KLHL6: variants seen among roughly 807,000 people sequenced by gnomAD.
KLHL6 encodes the protein kelch-like protein 6.
In KLHL6, 41 loss-of-function variants were observed where a neutral mutation model predicts 58.6. The observed-to-expected ratio is 0.70, with a 90% CI of 0.55 to 0.91. The LOEUF is 0.91. Among genes scored for constraint, KLHL6 ranks in the 40% least tolerant of loss-of-function variants. KLHL6 has a pLI of 0.00. For missense variants in KLHL6, 714 were observed against 805.6 expected, an observed-to-expected ratio of 0.89 and a Z score of 1.38; for synonymous variants, 338 against 322.7, an observed-to-expected ratio of 1.05 and a Z score of -0.51.
In KLHL6 at chr3:183,519,778, C is replaced by T. The variant is rs191382510; in HGVS notation, c.459+8067G>A. On this transcript the variant is annotated intron_variant, in intron 2 of 6. Transcript: ENST00000341319. ...GGGCATAGTGGTGCATGGCTATATT[C>T]CCAGCTACTTGAAAGGCCAAGGTAG... Among the ~76,000 whole-genome samples, 7 of 150,960 alleles carry T rather than the reference C, an allele frequency of 4.6e-5. No homozygotes were observed. In the East Asian group the frequency reaches 1.2e-3, roughly 25 times the overall value.
At chr3:183,536,199 G>A (rs190507771) in intron 1 of KLHL6, among the ~76,000 whole-genome samples, 171 of 152,284 alleles carry the variant, frequency 1.1e-3, no homozygotes, top group African/African-American at 3.7e-3. Context: ...GAACAGGGGG[G>A]CAAGACAAGG....
chr3:183,533,647 A>C (rs1004502985), intron 1 of KLHL6, among the ~76,000 whole-genome samples: 2 of 152,124 alleles, frequency 1.3e-5, no homozygotes, highest in African/African-American at 2.4e-5. Flanking sequence ...AAACATTCAA[A>C]AGTCAAAAGA....
chr3:183,509,757 G>GT (rs1438763361), intron 2 of KLHL6, among the ~76,000 whole-genome samples: 1 of 152,140 alleles, frequency 6.6e-6, no homozygotes, highest in East Asian at 1.9e-4. Context: ...ACCGTCCAGA[G>GT]TAAGTCACAT....
chr3:183,552,850 T>C (rs1712980876), intron 1 of KLHL6, among the ~76,000 whole-genome samples: 1 of 151,884 alleles, frequency 6.6e-6, no homozygotes, highest in Non-Finnish European at 1.5e-5. Flanking sequence ...AGATTTAACG[T>C]CAGTCCTAGG....
chr3:183,518,463 A>C (rs115147518), intron 2 of KLHL6, among the ~76,000 whole-genome samples: 18 of 152,284 alleles, frequency 1.2e-4, no homozygotes, highest in South Asian at 6.2e-4. Context: ...AACACCTTGC[A>C]CTTAGAACAT....
At chr3:183,527,700 G>C in intron 2 of KLHL6, 145 bp downstream of exon 2, 1 of 390,174 alleles carries the variant, frequency 2.6e-6, no homozygotes. Flanking sequence ...AGGGGTGTGC[G>C]TGTGTGTGTG....
At chr3:183,535,626 T>C (rs773529133) in intron 1 of KLHL6, among the ~76,000 whole-genome samples, 1 of 152,190 alleles carries the variant, frequency 6.6e-6, no homozygotes, top group Non-Finnish European at 1.5e-5. Context: ...ATCTGTATAA[T>C]CAAGTCTAAA....
intron 1 of KLHL6, among the ~76,000 whole-genome samples, chr3:183,531,275 C>T (rs890259129): frequency 6.6e-6 from 1 of 151,960 alleles, no homozygotes; most frequent in South Asian, 2.1e-4. Context: ...GGACTCACAC[C>T]TCCAGCCATG....
Position 183,505,653 on chromosome 3 carries a change from GA to G in KLHL6, c.909+2405del, listed in dbSNP as rs879349862. On this transcript the variant is annotated intron_variant, in intron 3 of 6. Coordinates refer to ENST00000341319, the MANE Select transcript of KLHL6 (RefSeq NM_130446.4). ...ATAAGCCTCTAACCAGATTGATCAG[GA>G]AAAAAAAAAAGGGCAGACACAAATT... 4.1e-3 allele frequency among the ~76,000 whole-genome samples: 581 copies of G among 142,542 alleles called. 4 individuals are homozygous for G. Among genetic ancestry groups the G allele is most frequent in the African/African-American group, 0.013 (520 of 39,092 alleles). 93.5% of individuals were successfully genotyped at this position (142,542 alleles called of 152,430 possible).
chr3:183,555,701 C>T lies in KLHL6; in HGVS notation c.-48G>A, dbSNP rs200856880. 6.6e-7 allele frequency: 1 copy of T among 1,526,652 alleles called. No homozygotes were observed. The highest frequency in any genetic ancestry group is 2.2e-5 in the Admixed American group (1 of 45,770). 94.6% of individuals were successfully genotyped at this position (1,526,652 alleles called of 1,614,324 possible). A position where few individuals can be genotyped will look rare whatever the true frequency, so the allele number is the denominator to read the frequency against. On this transcript the variant is annotated 5_prime_UTR_variant, in exon 1 of 7. Coordinates refer to ENST00000341319, the MANE Select transcript of KLHL6 (RefSeq NM_130446.4). ...TGTCAGGCAGGCCCCATTGCAGGAG[C>T]TGAGCGGATTTCCTGTGCAGGGCCC...
At chr3:183,534,131 T>TACTTTTAAA (rs10663153) in intron 1 of KLHL6, among the ~76,000 whole-genome samples, 4 of 28,684 alleles carry the variant, frequency 1.4e-4, no homozygotes, top group Non-Finnish European at 2.9e-4. Context: ...TAAAGTACTT[T>TACTTTTAAA]GTACTTTTAA....
intron 1 of KLHL6, among the ~76,000 whole-genome samples, chr3:183,538,012 C>T (rs114507858): frequency 0.01 from 1,545 of 152,216 alleles, 26 homozygotes; most frequent in African/African-American, 0.036. Flanking sequence ...AATCAACCAA[C>T]TTGTCCTTCC....
At chr3:183,496,534 T>C (rs547154119) in intron 4 of KLHL6, among the ~76,000 whole-genome samples, 4 of 152,212 alleles carry the variant, frequency 2.6e-5, no homozygotes, top group Non-Finnish European at 5.9e-5. Context: ...CCTACTGCAA[T>C]ATTTTTTAAG....
Position 183,555,427 on chromosome 3 carries a change from A to C in KLHL6, c.227T>G (p.Leu76Trp). ...GGAGAATTCCTGAATGTCCACACAC[A>C]AGATGACATCTGTCAGAGCGTTTTC... Reference protein sequence around the residue: ...RMENALTDVILCVDIQEFSCH... With the variant: ...RMENALTDVIWCVDIQEFSCH... Residue 76 changes from leucine to tryptophan, a missense_variant, in exon 1 of 7, where the codon TTG (leucine) becomes TGG (tryptophan). By Grantham distance (61) the Leu-to-Trp change is moderately conservative (BLOSUM62 -2). This residue lies in a region of KLHL6 where 204 missense variants were observed against 175.9 expected (regional missense o/e 1.16). Transcript: ENST00000341319. The C allele has an allele frequency of 1.2e-6, 2 of 1,614,184 alleles. No individual in the cohort carries two copies. The highest frequency in any genetic ancestry group is 1.7e-6 in the Non-Finnish European group (2 of 1,180,028).
At chr3:183,512,529 T>C (rs1253046398) in intron 2 of KLHL6, among the ~76,000 whole-genome samples, 1 of 152,128 alleles carries the variant, frequency 6.6e-6, no homozygotes, top group East Asian at 1.9e-4. Flanking sequence ...TTTGCTTTTG[T>C]TGCCCAGGCT....
At chr3:183,500,458 G>A (rs1717839927) in intron 3 of KLHL6, among the ~76,000 whole-genome samples, 1 of 152,214 alleles carries the variant, frequency 6.6e-6, no homozygotes, top group South Asian at 2.1e-4. Context: ...CCTGCTGAAA[G>A]AGCAGAGGTT....
intron 2 of KLHL6, among the ~76,000 whole-genome samples, chr3:183,518,622 G>T (rs1711635655): frequency 6.6e-6 from 1 of 152,172 alleles, no homozygotes; most frequent in Non-Finnish European, 1.5e-5. Context: ...CAGGGAAGGG[G>T]TGATAGAGCA....
At chr3:183,507,254 G>A (rs1287672482) in intron 3 of KLHL6, among the ~76,000 whole-genome samples, 1 of 152,104 alleles carries the variant, frequency 6.6e-6, no homozygotes, top group Non-Finnish European at 1.5e-5. Flanking sequence ...ACTTGGGGGA[G>A]GAAGATGAGT....
intron 2 of KLHL6, 76 bp downstream of exon 2, chr3:183,527,769 G>C (rs931095079): frequency 1.5e-6 from 2 of 1,351,412 alleles, no homozygotes; most frequent in African/African-American, 2.9e-5. Context: ...CTGGGAGCTA[G>C]ACCAGGTCTG....
Sources: gnomAD v4.1 joint callset for allele counts (sites outside exome capture counted in the v4.1 genomes callset) on GRCh38, gnomAD v4.1.1 for gene constraint, gnomAD v4.1.1 regional missense constraint, MANE v1.5 for transcripts, NCBI Gene and HGNC (gene_info 2026-07-23, HGNC 2026-07-21) for gene names.